The following SAXO1 variants were observed in gnomAD, a reference collection of about 807,000 sequenced individuals.
SAXO1 encodes the protein stabilizer of axonemal microtubules 1.
SAXO1 carries 21 observed loss-of-function variants against 17.5 expected under a neutral mutation model. The observed-to-expected ratio is 1.20, with a 90% CI of 0.85 to 1.72. The LOEUF (loss-of-function observed/expected upper bound fraction) is 1.72, where lower values mean the gene tolerates loss of function less well. Ranked by LOEUF, SAXO1 falls within the 40% of genes most tolerant of loss-of-function variation. The probability of loss-of-function intolerance (pLI) is 0.00; values close to 1 mark genes in which losing one functional copy is unlikely to be tolerated. For missense variants in SAXO1, 843 were observed against 596.0 expected (o/e 1.41, Z -4.32); for synonymous variants, 274 against 216.5 (o/e 1.27, Z -2.33).
At chr9:18,953,082 T>C (rs1176604995) in intron 1 of SAXO1, among the ~76,000 whole-genome samples, 1 of 152,234 alleles carries the variant, frequency 6.6e-6, no homozygotes, top group African/African-American at 2.4e-5. Flanking sequence ...TACCCTATCA[T>C]TTTAGGATTC....
chr9:18,957,285 G>C (rs1463765850), intron 1 of SAXO1, among the ~76,000 whole-genome samples: 4 of 152,172 alleles, frequency 2.6e-5, no homozygotes, highest in South Asian at 2.1e-4. Flanking sequence ...ATTAGATAAA[G>C]CAATAACGGT....
rs191336594 is a variant in SAXO1, at chr9:19,001,988, T to C, written c.38+30883A>G. 8.6e-5 allele frequency among the ~76,000 whole-genome samples: 13 copies of C among 152,032 alleles called. No individual in the cohort carries two copies. The East Asian group carries it at 2.3e-3, about 27-fold the overall frequency. ...TTTTTGGAAAGATCAACAAAACAGA[T>C]AGCCCACTAGCCAGACTAATAAAGA... On this transcript the variant is annotated intron_variant, in intron 1 of 3. Coordinates refer to ENST00000380534, the MANE Select transcript of SAXO1 (RefSeq NM_153707.4).
chr9:18,980,763 G>A (rs7863435), intron 1 of SAXO1, among the ~76,000 whole-genome samples: 97,088 of 129,368 alleles, frequency 0.75, 36,499 homozygotes, highest in Non-Finnish European at 0.78. Flanking sequence ...GGGAGGAGAA[G>A]CATATTTTTA....
At chr9:19,028,006 G>A (rs1835577248) in intron 1 of SAXO1, 3 of 1,602,896 alleles carry the variant, frequency 1.9e-6, no homozygotes, top group Non-Finnish European at 8.5e-7. Context: ...CCAGTGCAAG[G>A]CTGTGTCTGT....
At chr9:19,025,493 A>T (rs1278586284) in intron 1 of SAXO1, among the ~76,000 whole-genome samples, 2 of 152,242 alleles carry the variant, frequency 1.3e-5, no homozygotes, top group African/African-American at 4.8e-5. Context: ...CCTGGTTAAC[A>T]TAACTGATTT....
chr9:18,975,298 C>T (rs1178951667), intron 1 of SAXO1, among the ~76,000 whole-genome samples: 2 of 152,074 alleles, frequency 1.3e-5, no homozygotes, highest in Admixed American at 6.6e-5. Context: ...AGACAGAAAC[C>T]AGATCAAGAA....
At position 19,033,084 on chromosome 9, in the gene SAXO1, C is replaced by G. The variant is rs1835839770; in HGVS notation, c.-176G>C. The G allele has an allele frequency of 1.6e-6, 1 of 608,888 alleles. No homozygotes were observed. Among genetic ancestry groups the G allele is most frequent in the Admixed American group, 3.5e-5 (1 of 28,478 alleles). 37.7% of individuals were successfully genotyped at this position (608,888 alleles called of 1,614,324 possible). A position where few individuals can be genotyped will look rare whatever the true frequency, so the allele number is the denominator to read the frequency against. ...GCAATGTCCTGTCGTCTGTTGCCCT[C>G]CTGGAGCTGGCCTAGCGCGAGGTAG... On this transcript the variant is annotated 5_prime_UTR_variant, in exon 1 of 4. Coordinates refer to ENST00000380534, the MANE Select transcript of SAXO1 (RefSeq NM_153707.4).
chr9:18,950,223 A>G (rs1831973196), intron 2 of SAXO1, among the ~76,000 whole-genome samples: 1 of 152,240 alleles, frequency 6.6e-6, no homozygotes, highest in African/African-American at 2.4e-5. Context: ...AGAATAATTT[A>G]AAAGCAAAAC....
chr9:18,963,739 C>G (rs139088110), intron 1 of SAXO1, among the ~76,000 whole-genome samples: 1 of 152,114 alleles, frequency 6.6e-6, no homozygotes, highest in East Asian at 1.9e-4. Flanking sequence ...CAACTGCAAA[C>G]AGAGACAATT....
intron 1 of SAXO1, among the ~76,000 whole-genome samples, chr9:18,979,145 G>A (rs976915358): frequency 2.0e-5 from 3 of 152,058 alleles, no homozygotes; most frequent in Non-Finnish European, 4.4e-5. Flanking sequence ...AGCAACTATA[G>A]GTCCAAAGCA....
At chr9:19,013,433 A>G (rs768198415) in intron 1 of SAXO1, among the ~76,000 whole-genome samples, 4 of 152,106 alleles carry the variant, frequency 2.6e-5, no homozygotes, top group Non-Finnish European at 4.4e-5. Context: ...TGATGGCTAT[A>G]GATAGAACAC....
At chr9:19,022,306 A>G (rs975464810) in intron 1 of SAXO1, among the ~76,000 whole-genome samples, 2 of 152,240 alleles carry the variant, frequency 1.3e-5, no homozygotes, top group Admixed American at 6.5e-5. Flanking sequence ...TGGACACACC[A>G]TCTGTAAGAA....
At position 19,033,011 on chromosome 9, in the gene SAXO1, C is replaced by A; in HGVS notation, c.-103G>T. The A allele has an allele frequency of 1.2e-5, 15 of 1,200,524 alleles. No individual in the cohort carries two copies. Among genetic ancestry groups the A allele is most frequent in the Non-Finnish European group, 1.7e-5 (15 of 883,154 alleles). The allele number at this position is 1,200,524 out of a possible 1,614,324, so 74.4% of individuals were successfully genotyped here. ...TTGGGGCACGCCCAGGCTCGAGGGTCTTGGCAGGTGTTCTGTTTACTCGAA... is the reference window on the plus strand; with the variant it reads ...TTGGGGCACGCCCAGGCTCGAGGGTATTGGCAGGTGTTCTGTTTACTCGAA... On this transcript the variant is annotated 5_prime_UTR_variant, in exon 1 of 4. Coordinates refer to ENST00000380534, the MANE Select transcript of SAXO1 (RefSeq NM_153707.4).
At chr9:19,027,618 G>C in intron 1 of SAXO1, 2 of 1,436,120 alleles carry the variant, frequency 1.4e-6, no homozygotes, top group Non-Finnish European at 2.0e-6. Flanking sequence ...ATGTTCACTG[G>C]AGATGGTGCC....
intron 3 of SAXO1, among the ~76,000 whole-genome samples, chr9:18,936,277 T>G (rs114533553): frequency 0.019 from 2,880 of 152,284 alleles, 93 homozygotes; most frequent in African/African-American, 0.065. Flanking sequence ...CAAGAGCCAT[T>G]AACGGCTCTA....
chr9:18,976,866 C>A (rs143989538), intron 1 of SAXO1, among the ~76,000 whole-genome samples: 77 of 152,334 alleles, frequency 5.1e-4, no homozygotes, highest in African/African-American at 1.6e-3. Flanking sequence ...TGCCGTCCTC[C>A]AGCTACACCA....
chr9:18,989,895 T>A (rs7857590), intron 1 of SAXO1, among the ~76,000 whole-genome samples: 85,071 of 152,074 alleles, frequency 0.56, 24,283 homozygotes, highest in Non-Finnish European at 0.63. Flanking sequence ...GATTGTAACC[T>A]TTGAGGACCA....
intron 1 of SAXO1, among the ~76,000 whole-genome samples, chr9:19,017,249 G>A (rs925065300): frequency 3.3e-5 from 5 of 152,072 alleles, no homozygotes; most frequent in African/African-American, 7.2e-5. Flanking sequence ...TACAAGGGGA[G>A]GGACAAGAAT....
intron 1 of SAXO1, among the ~76,000 whole-genome samples, chr9:18,967,770 C>G (rs963872193): frequency 3.3e-5 from 5 of 149,880 alleles, no homozygotes; most frequent in South Asian, 4.2e-4. Context: ...GTCTCACCAG[C>G]GTTCCGGGCA....
Sources: gnomAD v4.1 joint callset for allele counts (sites outside exome capture counted in the v4.1 genomes callset) on GRCh38, gnomAD v4.1.1 for gene constraint, MANE v1.5 for transcripts, NCBI Gene and HGNC (gene_info 2026-07-23, HGNC 2026-07-21) for gene names.